Variants in NOTCH1 observed in about 807,000 individuals in gnomAD.
The protein encoded by NOTCH1 is neurogenic locus notch homolog protein 1.
Under a neutral mutation model 254.8 loss-of-function variants are expected in NOTCH1, and 37 were observed. The observed-to-expected ratio is 0.15, with a 90% CI of 0.11 to 0.19. The LOEUF is 0.19. Ranked by LOEUF, NOTCH1 falls within the 10% of genes least tolerant of loss-of-function variation. The pLI is 1.00. For synonymous variants in NOTCH1, 1,731 were observed against 1,618.1 expected (o/e 1.07, Z -1.68); for missense variants, 2,972 against 3,708.6 (o/e 0.80, Z 5.16).
chr9:136,513,290 C>T lies in NOTCH1; in HGVS notation c.2353+102G>A. ...CTAAGGCTTTGCCACGGGAGGGAGACACCATGCATGGTGCTGGCTGGACCT... is the reference window on the plus strand; with the variant it reads ...CTAAGGCTTTGCCACGGGAGGGAGATACCATGCATGGTGCTGGCTGGACCT... On this transcript the variant is annotated intron_variant, in intron 14 of 33. Coordinates refer to ENST00000651671, the MANE Select transcript of NOTCH1 (RefSeq NM_017617.5). The surrounding 1 kb of genome is among the most constrained non-coding windows in gnomAD (Gnocchi z 4.7). 6.4e-7 allele frequency: 1 copy of T among 1,563,480 alleles called. No homozygotes were observed. The highest frequency in any genetic ancestry group is 8.8e-7 in the Non-Finnish European group (1 of 1,141,292).
chr9:136,516,384 A>G (rs1843272980), intron 9 of NOTCH1, among the ~76,000 whole-genome samples: 2 of 152,146 alleles, frequency 1.3e-5, no homozygotes, highest in African/African-American at 4.8e-5. Flanking sequence ...CCCTCGCTCC[A>G]GTGTCTGGGA....
At chr9:136,499,589 C>T (rs775792796) in intron 31 of NOTCH1, among the ~76,000 whole-genome samples, 1 of 152,200 alleles carries the variant, frequency 6.6e-6, no homozygotes, top group African/African-American at 2.4e-5. Context: ...CCCCCAACGG[C>T]GGTTACAGCT....
chr9:136,510,182 C>T (rs966361531), intron 17 of NOTCH1, among the ~76,000 whole-genome samples: 2 of 152,214 alleles, frequency 1.3e-5, no homozygotes. Flanking sequence ...CTGCTCCTGT[C>T]CTCAAGCTCC....
chr9:136,514,766 C>G (rs186678063), intron 12 of NOTCH1, 64 bp from the exon 13 acceptor site: 1 of 1,509,082 alleles, frequency 6.6e-7, no homozygotes, highest in Non-Finnish European at 9.1e-7. Flanking sequence ...ACGTCAACCT[C>G]GATTTCCCTG....
At chr9:136,541,966 A>C (rs550306805) in intron 2 of NOTCH1, among the ~76,000 whole-genome samples, 1 of 152,338 alleles carries the variant, frequency 6.6e-6, no homozygotes, top group Non-Finnish European at 1.5e-5. Context: ...AGGCCCCAGC[A>C]AAGGGGACAA....
rs1272399533 is a variant in NOTCH1 at position 136,507,428 on chromosome 9, C to T, written c.3520G>A (p.Gly1174Ser). 5 of 1,606,618 alleles carry T rather than the reference C, an allele frequency of 3.1e-6. No homozygotes were observed. The highest frequency in any genetic ancestry group is 4.2e-6 in the Non-Finnish European group (5 of 1,177,452). The change falls in exon 22 of 34, where the codon GGC becomes AGC. Residue 1174 changes from glycine to serine, a missense_variant. Gly to Ser is a moderately conservative substitution (Grantham distance 56). This residue lies in a region of NOTCH1 where 1,343 missense variants were observed against 1,557.0 expected (regional missense o/e 0.86). Transcript: ENST00000651671. ...LGGYSCKCVA[G>S]YHGVNCSEEI... ...TCAGAGCAGTTCACCCCGTGGTAGC[C>T]GGCCACGCACTGTGCAGGCGACAGA...
At position 136,540,314 on chromosome 9, in the gene NOTCH1, G is replaced by T. The variant is rs573086889; in HGVS notation, c.140+3710C>A. Among the ~76,000 whole-genome samples the T allele has an allele frequency of 6.6e-6, 1 of 152,124 alleles. No individual in the cohort carries two copies. The highest frequency in any genetic ancestry group is 1.5e-5 in the Non-Finnish European group (1 of 68,018). ...CGCAGCACACAGCAGGCGCTCAAAC[G>T]TGTCTGTGAACTGGAGCCACCCTGG... is the stretch of plus-strand genomic sequence containing the variant. On this transcript the variant is annotated intron_variant, in intron 2 of 33. Coordinates refer to ENST00000651671, the MANE Select transcript of NOTCH1 (RefSeq NM_017617.5). This position sits in a 1 kb window ranked among gnomAD's most constrained non-coding sequence, Gnocchi z 4.4.
chr9:136,543,854 G>T (rs1311875747), intron 2 of NOTCH1, 170 bp downstream of exon 2: 2 of 724,328 alleles, frequency 2.8e-6, no homozygotes, highest in Admixed American at 2.0e-5. Context: ...ATAATTGCTG[G>T]TGATTAAGTA....
rs918187189 is a variant in NOTCH1 at position 136,502,909 on chromosome 9, C to A, written c.5167+273G>T. The A allele has an allele frequency of 1.1e-5, 7 of 660,286 alleles. No homozygotes were observed. The South Asian group carries it at 1.1e-4, about 10-fold the overall frequency. 40.9% of individuals were successfully genotyped at this position (660,286 alleles called of 1,614,324 possible). ...GTAATGATTTTGAAATAATACCCAA[C>A]AAAGAAAATTCAGGAGGAAAGGGTG... On this transcript the variant is annotated intron_variant, in intron 27 of 33. Coordinates refer to ENST00000651671, the MANE Select transcript of NOTCH1 (RefSeq NM_017617.5).
rs201641067 is a variant in NOTCH1, at chr9:136,501,713, G to A, written c.5638+35C>T. On this transcript the variant is annotated intron_variant, in intron 30 of 33. Coordinates refer to ENST00000651671, the MANE Select transcript of NOTCH1 (RefSeq NM_017617.5). The stretch of plus-strand genomic sequence containing the variant: ...TAGGGGAGAGAGGCAGGTGGGCCAC[G>A]GGGCTAGGGAAGCCCTGGCTGCTGG... The A allele has an allele frequency of 1.3e-4, 201 of 1,606,282 alleles. No individual in the cohort carries two copies. The African/African-American group carries it at 2.4e-3, about 20-fold the overall frequency.
chr9:136,513,540 G>T lies in NOTCH1; in HGVS notation c.2208-3C>A. 1.2e-6 allele frequency: 2 copies of T among 1,612,896 alleles called. No homozygotes were observed. The highest frequency in any genetic ancestry group is 1.7e-6 in the Non-Finnish European group (2 of 1,179,960). ...CAGGGTCACAGTCGCACTTGTACCT[G>T]CAAGGGGGACCACACTGCAGGTCGA... On this transcript the variant is annotated splice_polypyrimidine_tract_variant and splice_region_variant and intron_variant, in intron 13 of 33. Transcript: ENST00000651671. The surrounding 1 kb of genome is among the most constrained non-coding windows in gnomAD (Gnocchi z 4.7).
At chr9:136,529,205 C>A (rs1226119345) in intron 2 of NOTCH1, among the ~76,000 whole-genome samples, 1 of 152,218 alleles carries the variant, frequency 6.6e-6, no homozygotes, top group Non-Finnish European at 1.5e-5. Flanking sequence ...GCAAATGGGG[C>A]CATATGTGGA....
chr9:136,517,462 G>T, intron 8 of NOTCH1, 77 bp from the exon 9 acceptor site: 2 of 1,072,774 alleles, frequency 1.9e-6, no homozygotes, highest in Non-Finnish European at 1.4e-6. Context: ...ACTTGGGACA[G>T]AAACGAACCC....
At position 136,508,346 on chromosome 9, in the gene NOTCH1, C is replaced by T. The variant is rs587778566; in HGVS notation, c.3211G>A (p.Gly1071Ser). The T allele has an allele frequency of 1.1e-5, 18 of 1,613,138 alleles. No homozygotes were observed. The highest frequency in any genetic ancestry group is 3.3e-5 in the South Asian group (3 of 91,092). The change falls in exon 20 of 34, where the codon GGC becomes AGC. Residue 1071 changes from glycine to serine, a missense_variant. Transcript: ENST00000651671. ...GTGTGGGTCTGCCAGCATTTGCCGC[C>T]GTTCTTGCAGGGCGAGGAGTCACAC... ...HWCDSSPCKN[G>S]GKCWQTHTQY...
intron 2 of NOTCH1, among the ~76,000 whole-genome samples, chr9:136,533,707 T>G (rs951014095): frequency 3.3e-5 from 5 of 152,216 alleles, no homozygotes; most frequent in Admixed American, 6.5e-5. Context: ...TGGCACCTCC[T>G]CAGGGCCTCA....
intron 1 of NOTCH1, 37 bp from the exon 2 acceptor site, chr9:136,544,139 C>T (rs1342222264): frequency 6.5e-7 from 1 of 1,533,770 alleles, no homozygotes; most frequent in Non-Finnish European, 8.8e-7. Context: ...CAGTCTCACC[C>T]GCACCACCAC....
In NOTCH1 at chr9:136,540,729, C is replaced by T. The variant is rs1385019976; in HGVS notation, c.140+3295G>A. On this transcript the variant is annotated intron_variant, in intron 2 of 33. Coordinates refer to ENST00000651671, the MANE Select transcript of NOTCH1 (RefSeq NM_017617.5). This position sits in a 1 kb window ranked among gnomAD's most constrained non-coding sequence, Gnocchi z 4.4. ...GACACGAGGTTGTCCAAAGCTAAAG[C>T]GCACCACCCAGCAGGCAGCTGGACA... Among the ~76,000 whole-genome samples the T allele has an allele frequency of 6.6e-6, 1 of 152,094 alleles. No individual in the cohort carries two copies. Among genetic ancestry groups the T allele is most frequent in the Non-Finnish European group, 1.5e-5 (1 of 68,008 alleles).
chr9:136,507,084 G>C (rs554404707), intron 22 of NOTCH1, 111 bp from the exon 23 acceptor site: 1 of 1,506,058 alleles, frequency 6.6e-7, no homozygotes, highest in Non-Finnish European at 9.0e-7. Flanking sequence ...ACGGACACTC[G>C]GGAGAGGCAG....
In NOTCH1 at chr9:136,510,826, G is replaced by A. The variant is rs376232432; in HGVS notation, c.2588-21C>T. On this transcript the variant is annotated intron_variant, in intron 16 of 33. Transcript: ENST00000651671. ...CTGCCCTGCGGGGCAGGAGGAGGCC[G>A]GTTGGTCACCAGCGGCCCCTGGCCC... The A allele has an allele frequency of 1.5e-4, 246 of 1,605,886 alleles. No individual in the cohort carries two copies. In the Middle Eastern group the frequency reaches 2.7e-3, roughly 17 times the overall value.
Sources: gnomAD v4.1 joint callset for allele counts (sites outside exome capture counted in the v4.1 genomes callset) on GRCh38, gnomAD v4.1.1 for gene constraint, gnomAD v4.1.1 regional missense constraint, Gnocchi (gnomAD v3.1) non-coding constraint, MANE v1.5 for transcripts, NCBI Gene and HGNC (gene_info 2026-07-23, HGNC 2026-07-21) for gene names.